KRT38: variants seen among roughly 807,000 people sequenced by gnomAD.
KRT38 encodes the protein keratin 38.
A neutral mutation model predicts 43.1 loss-of-function variants in KRT38; 45 were observed. The ratio of observed to expected loss-of-function variants is 1.04; its 90% CI spans 0.82 to 1.34. The LOEUF (loss-of-function observed/expected upper bound fraction) is 1.34. KRT38 is among the 40% of genes most tolerant of loss of function. The pLI, the probability that KRT38 is intolerant of heterozygous loss-of-function variation, is 0.00. For missense variants in KRT38, 627 were observed against 586.2 expected, an observed-to-expected ratio of 1.07 and a Z score of -0.72; for synonymous variants, 258 against 244.0, an observed-to-expected ratio of 1.06 and a Z score of -0.53.
In KRT38 at chr17:41,437,204, C is replaced by T. The variant is rs772530899; in HGVS notation, c.*208G>A. ...CTGAGCCACCATGGGTGGCTGCAATCCAGCCACTGAGGGCATAGAGCTCAC... is the reference window on the plus strand; with the variant it reads ...CTGAGCCACCATGGGTGGCTGCAATTCAGCCACTGAGGGCATAGAGCTCAC... On this transcript the variant is annotated 3_prime_UTR_variant, in exon 7 of 7. Coordinates refer to ENST00000246646, the MANE Select transcript of KRT38 (RefSeq NM_006771.4). 14 of 445,634 alleles carry T rather than the reference C, an allele frequency of 3.1e-5. No homozygotes were observed. The highest frequency in any genetic ancestry group is 5.2e-5 in the Non-Finnish European group (14 of 267,672). 27.6% of individuals were successfully genotyped at this position (445,634 alleles called of 1,614,324 possible).
In KRT38 at chr17:41,440,655, A is replaced by C. The variant is rs754003890; in HGVS notation, c.267T>G (p.Ile89Met). 10 of 1,614,012 alleles carry C rather than the reference A, an allele frequency of 6.2e-6. No homozygotes were observed. The South Asian group carries it at 1.1e-4, about 18-fold the overall frequency. ...LPGTCHIPGN[I>M]GICGAYGENT... is the part of the protein sequence containing the mutation. ...TTTCACCATAGGCCCCACAGATTCC[A>C]ATGTTGCCAGGAATGTGGCAGGTCC... The change falls in exon 1 of 7, where the codon ATT (isoleucine) becomes ATG (methionine). Residue 89 changes from isoleucine (I) to methionine (M), a missense_variant. By Grantham distance (10) the Ile-to-Met change is conservative. Transcript: ENST00000246646.
rs2018739188 is a variant in KRT38, at chr17:41,437,488, G to T, written c.1295C>A (p.Ala432Asp). The T allele has an allele frequency of 3.2e-6, 5 of 1,559,190 alleles. No individual in the cohort carries two copies. Residue 432 changes from alanine to aspartate, a missense_variant, in exon 7 of 7, where the codon GCT becomes GAT. Physicochemically the swap from Ala to Asp is moderately radical, Grantham distance 126. Coordinates refer to ENST00000246646, the MANE Select transcript of KRT38 (RefSeq NM_006771.4). Reference sequence around the variant, plus strand: ...GCAGGGGCCACAGCTTGGGCGAGGAGCACAGGGGGCAGTCACGCAGGAGGG... The same window carrying T: ...GCAGGGGCCACAGCTTGGGCGAGGATCACAGGGGGCAGTCACGCAGGAGGG... ...TSPSCVTAPC[A>D]PRPSCGPCTT...
rs56120541 is a variant in KRT38, at chr17:41,437,470, C to T, written c.1313G>A (p.Gly438Asp). ...TAPCAPRPSC[G>D]PCTTCGPTCG... ...GGTGGGCCCACAGGTGGTGCAGGGG[C>T]CACAGCTTGGGCGAGGAGCACAGGG... The change falls in exon 7 of 7, where the codon GGC becomes GAC. Residue 438 changes from glycine to aspartate, a missense_variant. Transcript: ENST00000246646. 0.01 allele frequency: 16,014 copies of T among 1,556,586 alleles called. 98 individuals are homozygous for T. Among genetic ancestry groups the T allele is most frequent in the Middle Eastern group, 0.014 (70 of 4,914 alleles).
In KRT38 at chr17:41,438,533, C is replaced by T. The variant is rs374000196; in HGVS notation, c.978G>A (p.Thr326=). The T allele has an allele frequency of 4.6e-5, 74 of 1,614,032 alleles. No individual in the cohort carries two copies. Among genetic ancestry groups the T allele is most frequent in the East Asian group, 2.7e-4 (12 of 44,884 alleles). The change falls in exon 5 of 7, where the codon ACG becomes ACA. Residue 326 remains threonine (T), a synonymous_variant. Coordinates refer to ENST00000246646, the MANE Select transcript of KRT38 (RefSeq NM_006771.4). ...GGCGCTCCACCTCCAGGGCATTCACCGTGCATCTCAGCTCCAGGATCTCCG... is the reference window on the plus strand; with the variant it reads ...GGCGCTCCACCTCCAGGGCATTCACTGTGCATCTCAGCTCCAGGATCTCCG... ...CQSEILELRC[T]VNALEVERQA...
chr17:41,438,351 C>G, intron 5 of KRT38, 38 bp from the exon 6 acceptor site: 1 of 1,605,536 alleles, frequency 6.2e-7, no homozygotes, highest in Non-Finnish European at 8.5e-7. Flanking sequence ...ATACAAGGCC[C>G]CAAGGGAAAC....
intron 2 of KRT38, among the ~76,000 whole-genome samples, chr17:41,439,583 T>A (rs17494418): frequency 6.6e-6 from 1 of 152,170 alleles, no homozygotes; most frequent in Non-Finnish European, 1.5e-5. Context: ...TGCCATTGTA[T>A]TCTGTGGCAA....
chr17:41,437,621 G>T, intron 6 of KRT38, 80 bp from the exon 7 acceptor site: 3 of 1,415,614 alleles, frequency 2.1e-6, no homozygotes, highest in Non-Finnish European at 1.9e-6. Context: ...TGAGGAAGGA[G>T]TCCCCACTGC....
In KRT38 at chr17:41,440,661, GC is replaced by G. The variant is rs772886603; in HGVS notation, c.260del (p.Gly87AlafsTer14). 29 of 1,614,038 alleles carry G rather than the reference GC, an allele frequency of 1.8e-5. No homozygotes were observed. Among genetic ancestry groups the G allele is most frequent in the Non-Finnish European group, 2.3e-5 (27 of 1,180,044 alleles). On this transcript the variant is annotated frameshift_variant, in exon 1 of 7. Coordinates refer to ENST00000246646, the MANE Select transcript of KRT38 (RefSeq NM_006771.4). LOFTEE classifies it high-confidence loss of function. ...CATAGGCCCCACAGATTCCAATGTT[GC>G]CAGGAATGTGGCAGGTCCCTGGCAA... The part of the protein sequence containing the change: ...CPLPGTCHIP[G>X]NIGICGAYGE...
rs201825446 is a variant in KRT38 at position 41,438,819 on chromosome 17, G to A, written c.772C>T (p.Arg258Trp). The A allele has an allele frequency of 2.7e-5, 43 of 1,613,954 alleles. No homozygotes were observed. The East Asian group carries it at 3.6e-4, about 13-fold the overall frequency. ...ILRSQLGEKL[R>W]IELDIEPTID... ...GTGGGCTCAATGTCCAGCTCAATCCGGAGCTTCTCCCCCAGCTGACTCCTC... is the reference window on the plus strand; with the variant it reads ...GTGGGCTCAATGTCCAGCTCAATCCAGAGCTTCTCCCCCAGCTGACTCCTC... Residue 258 changes from arginine (R) to tryptophan (W), a missense_variant, in exon 4 of 7, where the codon CGG becomes TGG. Coordinates refer to ENST00000246646, the MANE Select transcript of KRT38 (RefSeq NM_006771.4).
rs375452745 is a variant in KRT38, at chr17:41,440,148, C to T, written c.575+13G>A. ...GGGAAGGAGTCACCCTGGCCCTCCT[C>T]CGCCTGACTTACTTGATCCTAAAGT... On this transcript the variant is annotated intron_variant, in intron 2 of 6. Transcript: ENST00000246646. 5 of 1,612,098 alleles carry T rather than the reference C, an allele frequency of 3.1e-6. No homozygotes were observed. The African/African-American group carries it at 6.7e-5, about 22-fold the overall frequency.
Position 41,438,413 on chromosome 17 carries a change from A to C in KRT38, c.1020+78T>G, listed in dbSNP as rs551620780. 580 of 1,609,058 alleles carry C rather than the reference A, an allele frequency of 3.6e-4. 3 individuals carry two copies. The South Asian group carries it at 4.9e-3, about 14-fold the overall frequency. ...GATAACAGGTGGGAGAAACTTGGGTAGTGAGACCTCCAAAATAAAATGCTA... is the reference window on the plus strand; with the variant it reads ...GATAACAGGTGGGAGAAACTTGGGTCGTGAGACCTCCAAAATAAAATGCTA... On this transcript the variant is annotated intron_variant, in intron 5 of 6. Transcript: ENST00000246646.
chr17:41,439,224 G>A lies in KRT38; in HGVS notation c.711C>T (p.Ser237=). Residue 237 remains serine (S), a synonymous_variant, in exon 3 of 7, where the codon TCC becomes TCT. Coordinates refer to ENST00000246646, the MANE Select transcript of KRT38 (RefSeq NM_006771.4). ...ACACCTGCTCGTGGTTGCTCTTGAG[G>A]GAGAGCTGCTCCTCCTTCAGGGACT... ...QQESLKEEQL[S]LKSNHEQEVK... is the part of the protein sequence containing the mutation. 6.2e-7 allele frequency: 1 copy of A among 1,614,078 alleles called. No individual in the cohort carries two copies.
rs868284443 is a variant in KRT38 at position 41,440,349 on chromosome 17, T to C, written c.492+81A>G. The C allele has an allele frequency of 5.0e-6, 8 of 1,596,488 alleles. No homozygotes were observed. The Middle Eastern group carries it at 1.2e-3, about 234-fold the overall frequency. On this transcript the variant is annotated intron_variant, in intron 1 of 6. Transcript: ENST00000246646. ...TCCAAGAGAAACCAAGAACCCAAAG[T>C]TCTCTGAGCTTTACATGGATTCCTC... is the stretch of plus-strand genomic sequence containing the variant.
chr17:41,438,354 A>G (rs1289296869), intron 5 of KRT38, 41 bp from the exon 6 acceptor site: 1 of 1,605,534 alleles, frequency 6.2e-7, no homozygotes, highest in East Asian at 2.2e-5. Context: ...CAAGGCCCCA[A>G]GGGAAACTGC....
Position 41,438,273 on chromosome 17 carries a change from C to A in KRT38, c.1061G>T (p.Arg354Leu). 6.2e-7 allele frequency: 1 copy of A among 1,614,140 alleles called. No homozygotes were observed. The highest frequency in any genetic ancestry group is 8.5e-7 in the Non-Finnish European group (1 of 1,180,010). The change falls in exon 6 of 7, where the codon CGC becomes CTC. Residue 354 changes from arginine (R) to leucine (L), a missense_variant. Coordinates refer to ENST00000246646, the MANE Select transcript of KRT38 (RefSeq NM_006771.4). ...CATCTGGGCCAGCTCCGTGCCGAAG[C>A]GGTCCTCGGCTTCACACAGGGAGTT... ...LQNSLCEAED[R>L]FGTELAQMQS... is the part of the protein sequence containing the mutation.
rs1456227739 is a variant in KRT38, at chr17:41,439,273, T to C, written c.662A>G (p.Lys221Arg). Reference sequence around the variant, plus strand: ...CTCCTGCTGGGCCTCCAGGTCGGCCTTGGCCAGGGTCGCATCATCCAGGAG... The same window carrying C: ...CTCCTGCTGGGCCTCCAGGTCGGCCCTGGCCAGGGTCGCATCATCCAGGAG... ...QKLLDDATLA[K>R]ADLEAQQESL... is the part of the protein sequence containing the mutation. Residue 221 changes from lysine to arginine, a missense_variant, in exon 3 of 7, where the codon AAG (lysine) becomes AGG (arginine). By Grantham distance (26) the Lys-to-Arg change is conservative. Coordinates refer to ENST00000246646, the MANE Select transcript of KRT38 (RefSeq NM_006771.4). 6.2e-7 allele frequency: 1 copy of C among 1,614,226 alleles called. No homozygotes were observed. Among genetic ancestry groups the C allele is most frequent in the Non-Finnish European group, 8.5e-7 (1 of 1,180,044 alleles).
chr17:41,439,322 C>A lies in KRT38; in HGVS notation c.613G>T (p.Ala205Ser), dbSNP rs139509509. ...SERSLRQLVE[A>S]DKCGTQKLLD... is the part of the protein sequence containing the mutation. ...AGCTTCTGTGTCCCACACTTGTCTG[C>A]CTCCACCAGCTGGCGCAGGGAGCGC... Residue 205 changes from alanine (A) to serine (S), a missense_variant, in exon 3 of 7, where the codon GCA becomes TCA. Coordinates refer to ENST00000246646, the MANE Select transcript of KRT38 (RefSeq NM_006771.4). 3.4e-4 allele frequency: 541 copies of A among 1,614,170 alleles called. No individual in the cohort carries two copies. In the African/African-American group the frequency reaches 6.1e-3, roughly 18 times the overall value.
rs1405357294 is a variant in KRT38 at position 41,437,109 on chromosome 17, C to T, written c.*303G>A. ...AGTTGGTGTTCTTGAAGTGCAAGTGCAATTTTAAATCATGCCGTGTTCCTA... is the reference window on the plus strand; with the variant it reads ...AGTTGGTGTTCTTGAAGTGCAAGTGTAATTTTAAATCATGCCGTGTTCCTA... On this transcript the variant is annotated 3_prime_UTR_variant, in exon 7 of 7. Coordinates refer to ENST00000246646, the MANE Select transcript of KRT38 (RefSeq NM_006771.4). 3 of 279,864 alleles carry T rather than the reference C, an allele frequency of 1.1e-5. No individual in the cohort carries two copies. The highest frequency in any genetic ancestry group is 2.0e-5 in the Non-Finnish European group (3 of 151,326). 17.3% of individuals were successfully genotyped at this position (279,864 alleles called of 1,614,324 possible).
chr17:41,438,310 C>T lies in KRT38; in HGVS notation c.1024G>A (p.Asp342Asn), dbSNP rs755538524. Reference sequence around the variant, plus strand: ...TCACACAGGGAGTTCTGCAGACAGTCCTTCTGTAGTGGGAAATAAGGGGAT... The same window carrying T: ...TCACACAGGGAGTTCTGCAGACAGTTCTTCTGTAGTGGGAAATAAGGGGAT... Reference protein sequence around the residue: ...VERQAQHTLKDCLQNSLCEAE... With the variant: ...VERQAQHTLKNCLQNSLCEAE... Residue 342 changes from aspartate to asparagine, a missense_variant, in exon 6 of 7, where the codon GAC becomes AAC. Coordinates refer to ENST00000246646, the MANE Select transcript of KRT38 (RefSeq NM_006771.4). The T allele has an allele frequency of 1.9e-6, 3 of 1,613,608 alleles. No individual in the cohort carries two copies. Among genetic ancestry groups the T allele is most frequent in the Non-Finnish European group, 2.5e-6 (3 of 1,179,592 alleles).
Sources: allele counts gnomAD v4.1 joint callset (sites outside exome capture counted in the v4.1 genomes callset), GRCh38; gene constraint gnomAD v4.1.1; transcripts MANE v1.5; gene names NCBI Gene and HGNC (gene_info 2026-07-23, HGNC 2026-07-21).